The following PDZD2 variants were observed in gnomAD, a reference collection of about 807,000 sequenced individuals.
The protein encoded by PDZD2 is PDZ domain containing 2.
In PDZD2, 90 loss-of-function variants were observed where a neutral mutation model predicts 220.7. The observed-to-expected ratio is 0.41, with a 90% CI of 0.34 to 0.49. The LOEUF (loss-of-function observed/expected upper bound fraction) is 0.49. Among genes scored for constraint, PDZD2 ranks in the 20% least tolerant of loss-of-function variants. The pLI is 0.28. For missense variants in PDZD2, 3,174 were observed against 3,608.5 expected, an observed-to-expected ratio of 0.88 and a Z score of 3.08; for synonymous variants, 1,375 against 1,450.5, an observed-to-expected ratio of 0.95 and a Z score of 1.18.
intron 1 of PDZD2, among the ~76,000 whole-genome samples, chr5:31,642,279 C>T (rs904412833): frequency 3.9e-5 from 6 of 152,134 alleles, no homozygotes; most frequent in African/African-American, 2.4e-5. Context: ...GACACATCCC[C>T]GCAGCACCAG....
In PDZD2 at chr5:32,068,121, T is replaced by A. The variant is rs79642026; in HGVS notation, c.2452-1448T>A. Among the ~76,000 whole-genome samples the A allele has an allele frequency of 1.3e-4, 19 of 149,200 alleles. No homozygotes were observed. In the East Asian group the frequency reaches 3.3e-3, roughly 26 times the overall value. On this transcript the variant is annotated intron_variant, in intron 14 of 24. Coordinates refer to ENST00000438447, the MANE Select transcript of PDZD2 (RefSeq NM_178140.4). ...GCCTCTGAATGCACTGAGAAGGAAATCATTCTTGTACTTTTTCTGCCAAAA... is the reference window on the plus strand; with the variant it reads ...GCCTCTGAATGCACTGAGAAGGAAAACATTCTTGTACTTTTTCTGCCAAAA...
chr5:32,018,275 G>A (rs1351099375), intron 6 of PDZD2, among the ~76,000 whole-genome samples: 1 of 152,226 alleles, frequency 6.6e-6, no homozygotes, highest in East Asian at 1.9e-4. Flanking sequence ...CTGAAGCTCA[G>A]TGAGATTATA....
chr5:32,037,447 C>T (rs1159003276), intron 7 of PDZD2, 105 bp downstream of exon 7: 1 of 674,262 alleles, frequency 1.5e-6, no homozygotes, highest in Non-Finnish European at 2.6e-6. Context: ...TTCCTTAAAA[C>T]CTCAAAATCA....
chr5:31,724,322 G>C (rs1327090671), intron 1 of PDZD2, among the ~76,000 whole-genome samples: 3 of 152,106 alleles, frequency 2.0e-5, no homozygotes, highest in Non-Finnish European at 4.4e-5. Flanking sequence ...TCCCTAAAAG[G>C]CCGGGCGCAG....
At chr5:31,732,447 G>A (rs1749590373) in intron 1 of PDZD2, among the ~76,000 whole-genome samples, 1 of 152,304 alleles carries the variant, frequency 6.6e-6, no homozygotes, top group South Asian at 2.1e-4. Flanking sequence ...GACCGGCACA[G>A]GGAGATGTTT....
intron 2 of PDZD2, among the ~76,000 whole-genome samples, chr5:31,954,288 T>G (rs183647795): frequency 3.3e-5 from 5 of 152,372 alleles, no homozygotes; most frequent in African/African-American, 1.2e-4. Context: ...CTTGCCGTAG[T>G]ACATAAACCA....
At chr5:31,911,465 C>G (rs532316901) in intron 2 of PDZD2, among the ~76,000 whole-genome samples, 1 of 152,348 alleles carries the variant, frequency 6.6e-6, no homozygotes, top group South Asian at 2.1e-4. Flanking sequence ...GAACTGGGTT[C>G]AGAAGCCCCT....
chr5:31,973,710 C>T (rs1357015784), intron 2 of PDZD2, among the ~76,000 whole-genome samples: 1 of 152,208 alleles, frequency 6.6e-6, no homozygotes, highest in Non-Finnish European at 1.5e-5. Flanking sequence ...AATTCTACCT[C>T]TGTTCTCTCT....
At chr5:31,950,414 C>T (rs1447023984) in intron 2 of PDZD2, among the ~76,000 whole-genome samples, 1 of 152,162 alleles carries the variant, frequency 6.6e-6, no homozygotes, top group East Asian at 1.9e-4. Context: ...GATCCTCATT[C>T]CTAAGCAAAT....
intron 1 of PDZD2, among the ~76,000 whole-genome samples, chr5:31,786,731 G>T (rs1398685546): frequency 6.6e-6 from 1 of 152,158 alleles, no homozygotes; most frequent in Non-Finnish European, 1.5e-5. Flanking sequence ...CATTTGGCAG[G>T]TAAGGAAACT....
chr5:31,976,704 TTTC>T (rs1309135243), intron 2 of PDZD2, among the ~76,000 whole-genome samples: 34 of 133,946 alleles, frequency 2.5e-4, no homozygotes, highest in Non-Finnish European at 4.1e-4. Flanking sequence ...TTTTCCTTTT[TTTC>T]TTCTTTCTTT....
intron 2 of PDZD2, among the ~76,000 whole-genome samples, chr5:31,850,637 T>A (rs1758003163): frequency 1.4e-5 from 2 of 146,994 alleles, no homozygotes; most frequent in African/African-American, 5.0e-5. Context: ...CCAAATTCTT[T>A]TTTTTTTTTT....
chr5:31,659,157 C>G (rs1056224783), intron 1 of PDZD2, among the ~76,000 whole-genome samples: 1 of 152,128 alleles, frequency 6.6e-6, no homozygotes, highest in Non-Finnish European at 1.5e-5. Context: ...TTAAATAATA[C>G]TTAATCTCAG....
intron 2 of PDZD2, among the ~76,000 whole-genome samples, chr5:31,827,757 C>T (rs1756319373): frequency 6.6e-6 from 1 of 151,784 alleles, no homozygotes; most frequent in Non-Finnish European, 1.5e-5. Flanking sequence ...TGTTCACCTA[C>T]TATAAAATTT....
chr5:31,882,684 G>A (rs1740034608), intron 2 of PDZD2, among the ~76,000 whole-genome samples: 1 of 152,118 alleles, frequency 6.6e-6, no homozygotes, highest in Non-Finnish European at 1.5e-5. Context: ...AGTTTTGGAG[G>A]TAATGGTTGA....
At chr5:31,822,748 G>A in intron 2 of PDZD2, 1 of 1,171,254 alleles carries the variant, frequency 8.5e-7, no homozygotes, top group Non-Finnish European at 1.2e-6. Flanking sequence ...AGGAACACCT[G>A]GCCTCATCCA....
chr5:31,945,817 G>C (rs1746584621), intron 2 of PDZD2, among the ~76,000 whole-genome samples: 1 of 152,036 alleles, frequency 6.6e-6, no homozygotes, highest in Non-Finnish European at 1.5e-5. Flanking sequence ...CAGGTGCACA[G>C]CCATTATAGG....
intron 2 of PDZD2, among the ~76,000 whole-genome samples, chr5:31,975,823 A>G (rs1328091908): frequency 8.3e-5 from 4 of 48,240 alleles, no homozygotes; most frequent in Non-Finnish European, 1.4e-4. Context: ...TTTTTTTTTG[A>G]GACAAGGTCT....
intron 1 of PDZD2, among the ~76,000 whole-genome samples, chr5:31,672,156 G>C (rs183089534): frequency 6.6e-6 from 1 of 152,142 alleles, no homozygotes; most frequent in Non-Finnish European, 1.5e-5. Flanking sequence ...ACTCCACCTC[G>C]AGAACGACTG....
Sources: allele counts gnomAD v4.1 joint callset (sites outside exome capture counted in the v4.1 genomes callset), GRCh38; gene constraint gnomAD v4.1.1; transcripts MANE v1.5; gene names NCBI Gene and HGNC (gene_info 2026-07-23, HGNC 2026-07-21).